The following SORCS2 variants were observed in gnomAD, a reference collection of about 807,000 sequenced individuals.
The protein encoded by SORCS2 is VPS10 domain-containing receptor SorCS2.
In SORCS2, 100 loss-of-function variants were observed where a neutral mutation model predicts 141.6. The ratio of observed to expected loss-of-function variants is 0.71; its 90% CI spans 0.60 to 0.83. The LOEUF is 0.83. Among genes scored for constraint, SORCS2 ranks in the 40% least tolerant of loss-of-function variants. SORCS2 has a pLI of 0.00. For missense variants in SORCS2, 1,646 were observed against 1,560.2 expected, an observed-to-expected ratio of 1.05 and a Z score of -0.93; for synonymous variants, 789 against 676.9, an observed-to-expected ratio of 1.17 and a Z score of -2.57.
chr4:7,499,164 G>GCGTA (rs1731810771), intron 2 of SORCS2, among the ~76,000 whole-genome samples: 1 of 149,838 alleles, frequency 6.7e-6, no homozygotes, highest in African/African-American at 2.4e-5. Flanking sequence ...GTATGTGCAT[G>GCGTA]TGAGTGCATG....
chr4:7,740,786 C>A lies in SORCS2; in HGVS notation c.*522C>A, dbSNP rs1206405212. On this transcript the variant is annotated 3_prime_UTR_variant, in exon 27 of 27. Transcript: ENST00000507866. Reference sequence around the variant, plus strand: ...TCCCAACACCACACCACCCTCCAGGCCCCCCTGCCCTCCGGCTGGAAACTG... The same window carrying A: ...TCCCAACACCACACCACCCTCCAGGACCCCCTGCCCTCCGGCTGGAAACTG... The A allele has an allele frequency of 8.6e-6, 3 of 349,404 alleles. No homozygotes were observed. Among genetic ancestry groups the A allele is most frequent in the South Asian group, 1.5e-4 (1 of 6,754 alleles). 21.6% of individuals were successfully genotyped at this position (349,404 alleles called of 1,614,324 possible).
chr4:7,584,854 C>T (rs28404370), intron 3 of SORCS2, among the ~76,000 whole-genome samples: 2,994 of 152,280 alleles, frequency 0.02, 99 homozygotes, highest in African/African-American at 0.068. Context: ...ATATCGATGT[C>T]ATTAGCCTAA....
intron 1 of SORCS2, among the ~76,000 whole-genome samples, chr4:7,319,947 T>G (rs78479889): frequency 0.026 from 3,903 of 152,314 alleles, 178 homozygotes; most frequent in African/African-American, 0.09. Flanking sequence ...TTCCTTGTTC[T>G]TACAGATGGT....
intron 14 of SORCS2, among the ~76,000 whole-genome samples, chr4:7,705,599 C>G (rs1051418448): frequency 1.3e-5 from 2 of 152,228 alleles, no homozygotes; most frequent in African/African-American, 4.8e-5. Flanking sequence ...GCCCCTCACC[C>G]TCGCCCACTC....
At chr4:7,473,806 C>T (rs1357045394) in intron 2 of SORCS2, among the ~76,000 whole-genome samples, 2 of 152,102 alleles carry the variant, frequency 1.3e-5, no homozygotes, top group Non-Finnish European at 2.9e-5. Context: ...GAGGCTGGTG[C>T]AGTCACTGCT....
At chr4:7,668,991 A>G (rs1722653277) in intron 8 of SORCS2, among the ~76,000 whole-genome samples, 3 of 152,200 alleles carry the variant, frequency 2.0e-5, no homozygotes, top group South Asian at 2.1e-4. Flanking sequence ...GCCTATGGCT[A>G]TAAGTCATGA....
Position 7,290,384 on chromosome 4 carries a change from G to A in SORCS2, c.480+97258G>A, listed in dbSNP as rs775618883. Among the ~76,000 whole-genome samples the A allele has an allele frequency of 2.6e-5, 4 of 152,088 alleles. No individual in the cohort carries two copies. The South Asian group carries it at 6.2e-4, about 24-fold the overall frequency. Reference sequence around the variant, plus strand: ...GGAAGAAAAACACAGATGCTCCCACGGGGTGCTCAGGGCTTTGACTGTCCC... The same window carrying A: ...GGAAGAAAAACACAGATGCTCCCACAGGGTGCTCAGGGCTTTGACTGTCCC... On this transcript the variant is annotated intron_variant, in intron 1 of 26. Transcript: ENST00000507866.
At chr4:7,524,257 T>G (rs939884708) in intron 2 of SORCS2, among the ~76,000 whole-genome samples, 1 of 151,902 alleles carries the variant, frequency 6.6e-6, no homozygotes, top group African/African-American at 2.4e-5. Context: ...AGGCAGAGAG[T>G]GGCGCAATGC....
At chr4:7,278,342 C>T (rs949127747) in intron 1 of SORCS2, among the ~76,000 whole-genome samples, 1 of 152,162 alleles carries the variant, frequency 6.6e-6, no homozygotes, top group Non-Finnish European at 1.5e-5. Flanking sequence ...GTGACGGGGT[C>T]TTCGTTCTTC....
Position 7,342,586 on chromosome 4 carries a change from A to AG in SORCS2, c.481-53700dup, listed in dbSNP as rs540121045. On this transcript the variant is annotated intron_variant, in intron 1 of 26. Coordinates refer to ENST00000507866, the MANE Select transcript of SORCS2 (RefSeq NM_020777.3). ...GAGGTGCGGCGTGAAAGGGAGGTGGAGGCGAACCTTGCAGGGACCTTGGGG... is the reference window on the plus strand; with the variant it reads ...GAGGTGCGGCGTGAAAGGGAGGTGGAGGGCGAACCTTGCAGGGACCTTGGGG... Among the ~76,000 whole-genome samples the AG allele has an allele frequency of 4.5e-4, 68 of 152,124 alleles. No individual in the cohort carries two copies. In the South Asian group the frequency reaches 0.011, roughly 26 times the overall value.
intron 1 of SORCS2, among the ~76,000 whole-genome samples, chr4:7,280,325 C>G (rs1436169463): frequency 6.6e-6 from 1 of 152,188 alleles, no homozygotes; most frequent in African/African-American, 2.4e-5. Context: ...AAAAAAATGA[C>G]TGCACTCTCG....
intron 1 of SORCS2, among the ~76,000 whole-genome samples, chr4:7,307,240 G>T (rs1490751737): frequency 6.6e-6 from 1 of 152,198 alleles, no homozygotes; most frequent in Non-Finnish European, 1.5e-5. Flanking sequence ...CTGTGCCCGG[G>T]AGGGATCGTT....
At chr4:7,601,897 A>G (rs573489898) in intron 3 of SORCS2, among the ~76,000 whole-genome samples, 180 of 152,328 alleles carry the variant, frequency 1.2e-3, no homozygotes, top group Admixed American at 2.9e-3. Context: ...GCCTTCAAGC[A>G]TCTGTTTAAC....
intron 2 of SORCS2, among the ~76,000 whole-genome samples, chr4:7,447,832 A>G (rs1402669939): frequency 1.3e-5 from 2 of 152,138 alleles, no homozygotes; most frequent in African/African-American, 4.8e-5. Flanking sequence ...CACAGATGGG[A>G]GCATTCTGCA....
At chr4:7,636,186 A>G (rs557247181) in intron 3 of SORCS2, among the ~76,000 whole-genome samples, 10 of 151,796 alleles carry the variant, frequency 6.6e-5, no homozygotes, top group Non-Finnish European at 1.0e-4. Flanking sequence ...GTGTGTGGCT[A>G]AGAACAGGGC....
chr4:7,337,191 T>C (rs367548686), intron 1 of SORCS2, among the ~76,000 whole-genome samples: 6 of 152,150 alleles, frequency 3.9e-5, no homozygotes, highest in African/African-American at 1.2e-4. Flanking sequence ...GTGAATCCAT[T>C]CACTGATCCC....
intron 2 of SORCS2, among the ~76,000 whole-genome samples, chr4:7,498,637 G>A (rs751090052): frequency 7.2e-5 from 11 of 152,236 alleles, no homozygotes; most frequent in Non-Finnish European, 1.3e-4. Context: ...GATCAGCACA[G>A]CTGCCAGCCT....
chr4:7,557,503 A>G (rs916529502), intron 3 of SORCS2, among the ~76,000 whole-genome samples: 1 of 152,260 alleles, frequency 6.6e-6, no homozygotes, highest in Admixed American at 6.5e-5. Context: ...CGTTCTCTTT[A>G]TCACACTTTT....
intron 2 of SORCS2, among the ~76,000 whole-genome samples, chr4:7,493,211 T>C (rs1293903414): frequency 6.6e-6 from 1 of 152,174 alleles, no homozygotes; most frequent in Non-Finnish European, 1.5e-5. Context: ...AGCCTGGAAG[T>C]AGCACATACC....
Sources: gnomAD v4.1 joint callset for allele counts (sites outside exome capture counted in the v4.1 genomes callset) on GRCh38, gnomAD v4.1.1 for gene constraint, MANE v1.5 for transcripts, NCBI Gene and HGNC (gene_info 2026-07-23, HGNC 2026-07-21) for gene names.